The following INPP4B variants were observed in gnomAD, a reference collection of about 807,000 sequenced individuals.
INPP4B encodes the protein inositol polyphosphate-4-phosphatase type II B, also known as inositol polyphosphate 4-phosphatase type II.
Under a neutral mutation model 122.5 loss-of-function variants are expected in INPP4B, and 55 were observed. That is an observed-to-expected ratio of 0.45 (90% CI 0.36 to 0.56). The LOEUF is 0.56. Among genes scored for constraint, INPP4B ranks in the 20% least tolerant of loss-of-function variants. The pLI is 0.00. For synonymous variants in INPP4B, 403 were observed against 388.7 expected (o/e 1.04, Z -0.43); for missense variants, 1,000 against 1,097.7 (o/e 0.91, Z 1.26).
intron 7 of INPP4B, among the ~76,000 whole-genome samples, chr4:142,328,856 G>A (rs1424511285): frequency 2.0e-5 from 3 of 152,268 alleles, no homozygotes; most frequent in Middle Eastern, 3.4e-3. Context: ...CCAAAAGTTT[G>A]AGAAACACTG....
Position 142,431,160 on chromosome 4 carries a change from C to T in INPP4B, c.91+9G>A, listed in dbSNP as rs1345105822. On this transcript the variant is annotated intron_variant, in intron 4 of 25. Coordinates refer to ENST00000262992, the MANE Select transcript of INPP4B (RefSeq NM_001101669.3). The stretch of plus-strand genomic sequence containing the variant: ...ATGCAAAAACAGGGAGGGATACACA[C>T]ATACTTACTTGTGAACTGACAGTCC... The T allele has an allele frequency of 8.1e-6, 13 of 1,607,660 alleles. No individual in the cohort carries two copies. The Admixed American group carries it at 2.0e-4, about 25-fold the overall frequency.
chr4:142,118,313 C>A (rs749796662), intron 21 of INPP4B, among the ~76,000 whole-genome samples: 1 of 151,776 alleles, frequency 6.6e-6, no homozygotes, highest in Non-Finnish European at 1.5e-5. Flanking sequence ...CATATGGAAC[C>A]AAAAAAGAGC....
chr4:142,362,455 G>C (rs1038762523), intron 7 of INPP4B, among the ~76,000 whole-genome samples: 1 of 151,992 alleles, frequency 6.6e-6, no homozygotes, highest in Non-Finnish European at 1.5e-5. Context: ...AAAATTTTCA[G>C]GGAGGGTGGG....
At chr4:142,804,883 T>G (rs1778486165) in intron 1 of INPP4B, among the ~76,000 whole-genome samples, 1 of 152,144 alleles carries the variant, frequency 6.6e-6, no homozygotes, top group African/African-American at 2.4e-5. Flanking sequence ...CCCAGTCTGG[T>G]CTCGAACTCC....
chr4:142,576,041 G>C lies in INPP4B; in HGVS notation c.-190-113315C>G, dbSNP rs149156512. On this transcript the variant is annotated intron_variant, in intron 2 of 25. Transcript: ENST00000262992. ...GTTCAAATGTGTTTTAACTAGCCTAGATATCGTTATTGATTTCCCAATAGC... is the reference window on the plus strand; with the variant it reads ...GTTCAAATGTGTTTTAACTAGCCTACATATCGTTATTGATTTCCCAATAGC... Among the ~76,000 whole-genome samples, 17 of 152,118 alleles carry C rather than the reference G, an allele frequency of 1.1e-4. No homozygotes were observed. In the East Asian group the frequency reaches 3.3e-3, roughly 29 times the overall value.
chr4:142,077,158 C>G (rs1359869441), intron 25 of INPP4B, among the ~76,000 whole-genome samples: 2 of 151,922 alleles, frequency 1.3e-5, no homozygotes, highest in African/African-American at 4.8e-5. Context: ...TTTTAAGTCT[C>G]TTATAAATTC....
chr4:142,461,657 C>T (rs1358949638), intron 3 of INPP4B, among the ~76,000 whole-genome samples: 1 of 152,126 alleles, frequency 6.6e-6, no homozygotes, highest in African/African-American at 2.4e-5. Context: ...TAAAATAGGT[C>T]AAGCTCCCTA....
intron 2 of INPP4B, among the ~76,000 whole-genome samples, chr4:142,508,077 C>T (rs528087231): frequency 6.6e-6 from 1 of 152,088 alleles, no homozygotes; most frequent in South Asian, 2.1e-4. Flanking sequence ...CAGTCTGTTG[C>T]CAGTTTTACA....
intron 7 of INPP4B, among the ~76,000 whole-genome samples, chr4:142,377,594 A>G (rs780902747): frequency 1.3e-5 from 2 of 152,082 alleles, no homozygotes; most frequent in Non-Finnish European, 2.9e-5. Flanking sequence ...CCATAGGCAT[A>G]TTGCCATCTG....
intron 15 of INPP4B, among the ~76,000 whole-genome samples, chr4:142,175,061 A>C (rs1415672289): frequency 1.3e-5 from 2 of 152,190 alleles, no homozygotes; most frequent in Non-Finnish European, 2.9e-5. Context: ...AACAGTTGCC[A>C]GAAGGAAAGA....
chr4:142,671,335 T>A (rs1354768758), intron 2 of INPP4B, among the ~76,000 whole-genome samples: 1 of 152,166 alleles, frequency 6.6e-6, no homozygotes, highest in East Asian at 1.9e-4. Flanking sequence ...CACAACATCA[T>A]ATGACCCAAC....
intron 15 of INPP4B, among the ~76,000 whole-genome samples, chr4:142,187,161 G>T (rs1156822657): frequency 6.6e-6 from 1 of 151,960 alleles, no homozygotes; most frequent in Non-Finnish European, 1.5e-5. Context: ...CCTTCAAAAT[G>T]ATATATTGTC....
rs575814233 is a variant in INPP4B at position 142,180,545 on chromosome 4, T to C, written c.1182-6736A>G. 2.0e-5 allele frequency among the ~76,000 whole-genome samples: 3 copies of C among 152,318 alleles called. No homozygotes were observed. In the East Asian group the frequency reaches 5.8e-4, roughly 29 times the overall value. On this transcript the variant is annotated intron_variant, in intron 15 of 25. Transcript: ENST00000262992. ...TGCTAGTTTTTCAGGGATTATATTA[T>C]TTAATTTTGACAACAACCCTCTGAG...
intron 25 of INPP4B, among the ~76,000 whole-genome samples, chr4:142,042,342 G>T (rs994961712): frequency 4.6e-5 from 7 of 152,118 alleles, no homozygotes; most frequent in Admixed American, 2.0e-4. Context: ...AAGCAGTGGT[G>T]CTTATCCAAC....
intron 2 of INPP4B, among the ~76,000 whole-genome samples, chr4:142,545,690 T>A (rs1287152177): frequency 8.4e-6 from 1 of 119,492 alleles, no homozygotes. Context: ...AATACACACA[T>A]ATATATGTGT....
intron 3 of INPP4B, among the ~76,000 whole-genome samples, chr4:142,461,060 A>G (rs2149588082): frequency 6.6e-6 from 1 of 152,182 alleles, no homozygotes. Context: ...AGTCCCTGCT[A>G]CTGAGAGAGG....
At chr4:142,715,634 G>A (rs1763666824) in intron 2 of INPP4B, among the ~76,000 whole-genome samples, 1 of 152,198 alleles carries the variant, frequency 6.6e-6, no homozygotes, top group Non-Finnish European at 1.5e-5. Context: ...GGCAGTACCA[G>A]GTAGAGCAGG....
intron 2 of INPP4B, among the ~76,000 whole-genome samples, chr4:142,538,573 G>A (rs1011875328): frequency 2.0e-5 from 3 of 151,916 alleles, no homozygotes; most frequent in South Asian, 2.1e-4. Context: ...GGATACCTTC[G>A]TTGTCTATGC....
intron 2 of INPP4B, among the ~76,000 whole-genome samples, chr4:142,563,795 C>T (rs2150130138): frequency 6.6e-6 from 1 of 152,276 alleles, no homozygotes; most frequent in East Asian, 1.9e-4. Context: ...CCGCCACCTC[C>T]ATTTGCACAA....
Sources: allele counts gnomAD v4.1 joint callset (sites outside exome capture counted in the v4.1 genomes callset), GRCh38; gene constraint gnomAD v4.1.1; transcripts MANE v1.5; gene names NCBI Gene and HGNC (gene_info 2026-07-23, HGNC 2026-07-21).